The following MAF variants were observed in gnomAD, a reference collection of about 807,000 sequenced individuals.
MAF encodes the protein MAF bZIP transcription factor.
MAF carries 10 observed loss-of-function variants against 22.0 expected under a neutral mutation model. The observed-to-expected ratio is 0.45, with a 90% CI of 0.28 to 0.77. The LOEUF (loss-of-function observed/expected upper bound fraction) is 0.77. Among genes scored for constraint, MAF ranks in the 30% least tolerant of loss-of-function variants. MAF has a pLI of 0.12. For synonymous variants in MAF, 337 were observed against 255.8 expected, an observed-to-expected ratio of 1.32 and a Z score of -3.03; for missense variants, 544 against 548.4, an observed-to-expected ratio of 0.99 and a Z score of 0.08.
At chr16:79,310,685 G>A in the MAF span, among the ~76,000 whole-genome samples, 1 of 152,196 alleles carries the variant, frequency 6.6e-6, no homozygotes, top group Non-Finnish European at 1.5e-5. Flanking sequence ...GCTCGCCTTG[G>A]TGAATTTCTC....
the MAF span, among the ~76,000 whole-genome samples, chr16:79,450,176 A>G: frequency 6.6e-6 from 1 of 152,248 alleles, no homozygotes; most frequent in Non-Finnish European, 1.5e-5. Flanking sequence ...AGTAACGAGT[A>G]AAGTGTTGTT....
At chr16:79,387,531 T>C in the MAF span, among the ~76,000 whole-genome samples, 2 of 152,168 alleles carry the variant, frequency 1.3e-5, no homozygotes, top group Admixed American at 1.3e-4. Flanking sequence ...GAATAGTCAA[T>C]GCTTGTTGGG....
At chr16:79,409,329 C>G in the MAF span, among the ~76,000 whole-genome samples, 1 of 152,164 alleles carries the variant, frequency 6.6e-6, no homozygotes, top group East Asian at 1.9e-4. Flanking sequence ...TTCTTGTTTT[C>G]CAAGAAATCT....
At chr16:79,533,669 G>A in the MAF span, among the ~76,000 whole-genome samples, 1 of 152,064 alleles carries the variant, frequency 6.6e-6, no homozygotes, top group Non-Finnish European at 1.5e-5. Context: ...AGTCTGCTAG[G>A]GGGGAAAATA....
At chr16:79,458,834 G>C in the MAF span, among the ~76,000 whole-genome samples, 1 of 152,156 alleles carries the variant, frequency 6.6e-6, no homozygotes, top group African/African-American at 2.4e-5. Context: ...CTTGTCTAGG[G>C]TTAGAATCAC....
chr16:79,349,596 T>C, the MAF span, among the ~76,000 whole-genome samples: 7 of 152,148 alleles, frequency 4.6e-5, no homozygotes, highest in Admixed American at 1.3e-4. Flanking sequence ...TGCCTCTCCA[T>C]AGGCCTCCTC....
the MAF span, among the ~76,000 whole-genome samples, chr16:79,336,975 A>G: frequency 6.6e-6 from 1 of 152,216 alleles, no homozygotes; most frequent in African/African-American, 2.4e-5. Flanking sequence ...CATTTCAGAC[A>G]CTTGGTGTAT....
chr16:79,367,869 C>T, the MAF span, among the ~76,000 whole-genome samples: 2 of 152,200 alleles, frequency 1.3e-5, no homozygotes, highest in Non-Finnish European at 2.9e-5. Context: ...CTGTGCATAA[C>T]CAGATTCTTC....
chr16:79,212,310 C>A, the MAF span: 1 of 879,116 alleles, frequency 1.1e-6, no homozygotes, highest in Non-Finnish European at 1.7e-6. Flanking sequence ...GCTGGGGAGA[C>A]AAATCTCAGA....
downstream of MAF, among the ~76,000 whole-genome samples, chr16:79,591,674 G>A (rs1241858739): frequency 6.6e-6 from 1 of 152,116 alleles, no homozygotes; most frequent in South Asian, 2.1e-4. Flanking sequence ...TCTGTGCGTC[G>A]TTGGTTTGCT....
At chr16:79,467,735 C>T in the MAF span, among the ~76,000 whole-genome samples, 28 of 152,240 alleles carry the variant, frequency 1.8e-4, no homozygotes, top group African/African-American at 6.7e-4. Flanking sequence ...ACAAGCCCCC[C>T]AGTGATGCCA....
the MAF span, among the ~76,000 whole-genome samples, chr16:79,283,926 C>T: frequency 6.4e-4 from 85 of 133,768 alleles, no homozygotes; most frequent in Non-Finnish European, 1.0e-3. Context: ...ACTCACCTTC[C>T]ATTTAAGTGA....
At chr16:79,566,094 A>G in the MAF span, among the ~76,000 whole-genome samples, 1 of 152,108 alleles carries the variant, frequency 6.6e-6, no homozygotes, top group African/African-American at 2.4e-5. Context: ...ACAAAACCCA[A>G]CCAACTCACA....
the MAF span, among the ~76,000 whole-genome samples, chr16:79,254,029 T>C: frequency 6.9e-6 from 1 of 144,060 alleles, no homozygotes; most frequent in East Asian, 2.1e-4. Context: ...TCTTTTTTTG[T>C]TTTTTTTTTT....
At chr16:79,496,663 T>C in the MAF span, among the ~76,000 whole-genome samples, 1 of 152,160 alleles carries the variant, frequency 6.6e-6, no homozygotes. Flanking sequence ...CATAAGGAAA[T>C]TCTTCTCTTC....
At chr16:79,578,473 T>G in the MAF span, among the ~76,000 whole-genome samples, 1 of 152,182 alleles carries the variant, frequency 6.6e-6, no homozygotes, top group African/African-American at 2.4e-5. Context: ...TGTAAAGATT[T>G]TATTATGTAG....
At chr16:79,312,337 T>G in the MAF span, among the ~76,000 whole-genome samples, 1 of 152,220 alleles carries the variant, frequency 6.6e-6, no homozygotes, top group Non-Finnish European at 1.5e-5. Context: ...GATGGGTCAC[T>G]GCAAGCATTA....
At chr16:79,222,961 G>A in the MAF span, among the ~76,000 whole-genome samples, 63 of 152,070 alleles carry the variant, frequency 4.1e-4, no homozygotes, top group Non-Finnish European at 7.9e-4. Context: ...ACATATCGAC[G>A]AGACAGAAAA....
the MAF span, among the ~76,000 whole-genome samples, chr16:79,220,462 C>T: frequency 1.3e-5 from 2 of 152,094 alleles, no homozygotes; most frequent in East Asian, 3.9e-4. Flanking sequence ...ATTCCATATA[C>T]ACCTTGATAT....
Sources: gnomAD v4.1 joint callset for allele counts (sites outside exome capture counted in the v4.1 genomes callset) on GRCh38, gnomAD v4.1.1 for gene constraint, MANE v1.5 for transcripts, NCBI Gene and HGNC (gene_info 2026-07-23, HGNC 2026-07-21) for gene names.